Variants in MACROD2 observed in about 807,000 individuals in gnomAD.
MACROD2 encodes the protein mono-ADP ribosylhydrolase 2, also known as ADP-ribose glycohydrolase MACROD2.
MACROD2 carries 36 observed loss-of-function variants against 70.4 expected under a neutral mutation model. The observed-to-expected ratio is 0.51, with a 90% CI of 0.39 to 0.68. The LOEUF (loss-of-function observed/expected upper bound fraction) is 0.68. Among genes scored for constraint, MACROD2 ranks in the 30% least tolerant of loss-of-function variants. MACROD2 has a pLI of 0.00. For missense variants in MACROD2, 496 were observed against 538.4 expected (o/e 0.92, Z 0.78); for synonymous variants, 172 against 178.8 (o/e 0.96, Z 0.30).
chr20:14,420,180 C>T (rs1017789202), intron 3 of MACROD2, among the ~76,000 whole-genome samples: 3 of 150,620 alleles, frequency 2.0e-5, no homozygotes, highest in Middle Eastern at 3.5e-3. Flanking sequence ...TTTAGAGATT[C>T]CTCAAAAAGT....
At chr20:15,133,266 A>C (rs1283380895) in intron 5 of MACROD2, among the ~76,000 whole-genome samples, 1 of 152,116 alleles carries the variant, frequency 6.6e-6, no homozygotes, top group Non-Finnish European at 1.5e-5. Flanking sequence ...CAAAAGACTA[A>C]TGATAGACTG....
chr20:14,224,337 A>G (rs2122178191), intron 3 of MACROD2, among the ~76,000 whole-genome samples: 1 of 152,288 alleles, frequency 6.6e-6, no homozygotes, highest in African/African-American at 2.4e-5. Flanking sequence ...CTTCAAGCCT[A>G]CTTTGATTGA....
At chr20:16,009,211 C>T (rs981487350) in intron 15 of MACROD2, among the ~76,000 whole-genome samples, 2 of 152,160 alleles carry the variant, frequency 1.3e-5, no homozygotes, top group Admixed American at 6.5e-5. Flanking sequence ...GCACCCACTG[C>T]CTTTATTCCT....
At chr20:15,885,094 G>C (rs1483890657) in intron 9 of MACROD2, among the ~76,000 whole-genome samples, 2 of 152,110 alleles carry the variant, frequency 1.3e-5, no homozygotes, top group African/African-American at 4.8e-5. Flanking sequence ...ACATAGCACT[G>C]GTTGTGGGGA....
chr20:15,039,335 A>G (rs2123021723), intron 5 of MACROD2, among the ~76,000 whole-genome samples: 1 of 152,342 alleles, frequency 6.6e-6, no homozygotes, highest in South Asian at 2.1e-4. Context: ...TGGCACAAGA[A>G]GCTTATGACC....
intron 6 of MACROD2, among the ~76,000 whole-genome samples, chr20:15,394,907 T>G (rs1260418937): frequency 2.0e-5 from 3 of 152,198 alleles, no homozygotes; most frequent in Non-Finnish European, 4.4e-5. Context: ...GCATAGGTGC[T>G]AGTCCCAAGT....
chr20:14,690,086 A>AT (rs1349965754), intron 5 of MACROD2, among the ~76,000 whole-genome samples: 3 of 151,382 alleles, frequency 2.0e-5, no homozygotes, highest in South Asian at 2.1e-4. Context: ...AGGAGAAAAA[A>AT]AAATAAAAAT....
At chr20:14,536,396 A>G (rs1407443581) in intron 4 of MACROD2, among the ~76,000 whole-genome samples, 2 of 152,212 alleles carry the variant, frequency 1.3e-5, no homozygotes, top group African/African-American at 2.4e-5. Context: ...GTTTTATATT[A>G]TACTTTAGGA....
At chr20:15,213,960 G>T (rs893003903) in intron 5 of MACROD2, among the ~76,000 whole-genome samples, 2 of 151,624 alleles carry the variant, frequency 1.3e-5, no homozygotes, top group Admixed American at 6.6e-5. Flanking sequence ...AACCAGATTG[G>T]TCTTAAATTC....
chr20:14,812,613 A>T (rs1467890429), intron 5 of MACROD2, among the ~76,000 whole-genome samples: 1 of 152,036 alleles, frequency 6.6e-6, no homozygotes, highest in African/African-American at 2.4e-5. Flanking sequence ...ACTAATAATC[A>T]TATTCTGTGT....
At chr20:14,127,123 G>A (rs542916424) in intron 3 of MACROD2, among the ~76,000 whole-genome samples, 48 of 152,284 alleles carry the variant, frequency 3.2e-4, no homozygotes, top group Admixed American at 6.5e-4. Flanking sequence ...GTTCCTGAAG[G>A]AAATTAAAAG....
At chr20:14,515,195 CAT>C (rs1264412201) in intron 4 of MACROD2, among the ~76,000 whole-genome samples, 1 of 151,822 alleles carries the variant, frequency 6.6e-6, no homozygotes, top group Non-Finnish European at 1.5e-5. Context: ...AGGAATAACA[CAT>C]AAAAGAAATA....
intron 5 of MACROD2, among the ~76,000 whole-genome samples, chr20:14,751,607 A>G (rs2071871741): frequency 6.6e-6 from 1 of 152,036 alleles, no homozygotes; most frequent in Non-Finnish European, 1.5e-5. Context: ...TGTACCTGTG[A>G]GTTCGCTCCA....
At chr20:16,039,634 C>T (rs150871172) in intron 15 of MACROD2, among the ~76,000 whole-genome samples, 8 of 152,054 alleles carry the variant, frequency 5.3e-5, no homozygotes, top group African/African-American at 1.7e-4. Flanking sequence ...TTCCTGCTCG[C>T]AGGCTTAGGG....
intron 8 of MACROD2, among the ~76,000 whole-genome samples, chr20:15,806,469 T>G (rs2063770637): frequency 6.6e-6 from 1 of 152,196 alleles, no homozygotes; most frequent in African/African-American, 2.4e-5. Context: ...CTCCCCTGAC[T>G]TTTACAGCTG....
rs573828721 is a variant in MACROD2 at position 14,962,640 on chromosome 20, T to C, written c.419-267300T>C. Reference sequence around the variant, plus strand: ...AGTCTGTAAAAAGAATACCTCCTCTTCCTCTTTTCTTCCTCCTCCTCTTCT... The same window carrying C: ...AGTCTGTAAAAAGAATACCTCCTCTCCCTCTTTTCTTCCTCCTCCTCTTCT... On this transcript the variant is annotated intron_variant, in intron 5 of 17. Coordinates refer to ENST00000684519, the MANE Select transcript of MACROD2 (RefSeq NM_001351661.2). Among the ~76,000 whole-genome samples the C allele has an allele frequency of 1.2e-4, 18 of 151,588 alleles. No individual in the cohort carries two copies. In the South Asian group the frequency reaches 1.5e-3, roughly 12 times the overall value.
chr20:15,772,098 AAAAATATATATATAT>A lies in MACROD2; in HGVS notation c.646-90645_646-90631del, dbSNP rs971507099. ...AGACTCGGTCTCAAAAAAAAAAAAAAAAAATATATATATATATATATATATATATATTTCTTTTGT... is the reference window on the plus strand; with the variant it reads ...AGACTCGGTCTCAAAAAAAAAAAAAAATATATATATATATATTTCTTTTGT... On this transcript the variant is annotated intron_variant, in intron 8 of 17. Transcript: ENST00000684519. 1.9e-3 allele frequency among the ~76,000 whole-genome samples: 179 copies of A among 95,910 alleles called. 5 individuals carry two copies. The East Asian group carries it at 0.035, about 19-fold the overall frequency. 62.9% of individuals were successfully genotyped at this position (95,910 alleles called of 152,430 possible). A position where few individuals can be genotyped will look rare whatever the true frequency, so the allele number is the denominator to read the frequency against.
intron 2 of MACROD2, among the ~76,000 whole-genome samples, chr20:14,027,917 G>T (rs568998550): frequency 1.3e-5 from 2 of 152,312 alleles, no homozygotes; most frequent in African/African-American, 2.4e-5. Context: ...GAGGCAGTCT[G>T]TCCCTTAGCA....
intron 8 of MACROD2, among the ~76,000 whole-genome samples, chr20:15,841,494 G>A (rs1414387314): frequency 6.6e-6 from 1 of 152,154 alleles, no homozygotes; most frequent in African/African-American, 2.4e-5. Context: ...CAAAGGGGAA[G>A]TAGGCACGTC....
Sources: allele counts gnomAD v4.1 joint callset (sites outside exome capture counted in the v4.1 genomes callset), GRCh38; gene constraint gnomAD v4.1.1; transcripts MANE v1.5; gene names NCBI Gene and HGNC (gene_info 2026-07-23, HGNC 2026-07-21).